DPF3: variants seen among roughly 807,000 people sequenced by gnomAD.
DPF3 encodes zinc finger protein DPF3.
In DPF3, 18 loss-of-function variants were observed where a neutral mutation model predicts 56.8. The observed-to-expected ratio is 0.32, with a 90% CI of 0.22 to 0.47. The LOEUF is 0.47. Among genes scored for constraint, DPF3 ranks in the 20% least tolerant of loss-of-function variants. DPF3 has a pLI of 1.00. For synonymous variants in DPF3, 188 were observed against 180.2 expected, an observed-to-expected ratio of 1.04 and a Z score of -0.35; for missense variants, 403 against 488.8, an observed-to-expected ratio of 0.82 and a Z score of 1.65.
At chr14:72,826,241 A>G (rs990914169) in intron 1 of DPF3, among the ~76,000 whole-genome samples, 1 of 152,238 alleles carries the variant, frequency 6.6e-6, no homozygotes, top group Non-Finnish European at 1.5e-5. Context: ...ACATGCATCA[A>G]AGCAGCTGAC....
At chr14:72,723,916 C>T in intron 4 of DPF3, 188 bp from the exon 5 acceptor site, 2 of 545,624 alleles carry the variant, frequency 3.7e-6, no homozygotes, top group South Asian at 2.5e-5. Flanking sequence ...TACCGAGGCT[C>T]TCCTAAGCCC....
At chr14:72,639,342 G>C (rs1339129968) in intron 8 of DPF3, among the ~76,000 whole-genome samples, 1 of 152,166 alleles carries the variant, frequency 6.6e-6, no homozygotes, top group East Asian at 1.9e-4. Flanking sequence ...CTCTGGCGTG[G>C]CTATCAATGA....
At position 72,662,732 on chromosome 14, in the gene DPF3, AGAG is replaced by A. The variant is rs531790961; in HGVS notation, c.871+11505_871+11507del. The A allele has an allele frequency of 4.8e-5, 48 of 992,370 alleles. No homozygotes were observed. The Admixed American group carries it at 5.8e-4, about 12-fold the overall frequency. The allele number at this position is 992,370 out of a possible 1,614,324, so 61.5% of individuals were successfully genotyped here. On this transcript the variant is annotated intron_variant, in intron 8 of 10. Coordinates refer to ENST00000556509, the MANE Select transcript of DPF3 (RefSeq NM_001280542.3). ...GGGGCTGGGCAAGGGAAGAGGAAGA[AGAG>A]GAGGAGGAGGAGGAGGTGCCAATCA...
chr14:72,703,291 G>A (rs941454698), intron 6 of DPF3, among the ~76,000 whole-genome samples: 3 of 152,108 alleles, frequency 2.0e-5, no homozygotes, highest in Non-Finnish European at 4.4e-5. Flanking sequence ...GGGTAGGGGT[G>A]GGGTAAAACA....
rs1200053854 is a variant in DPF3 at position 72,616,741 on chromosome 14, C to T, written c.*2556G>A. ...GCAACACAAAAACTCTGATCCTTCACATGCATCCTATGATTCTATCTCATT... is the reference window on the plus strand; with the variant it reads ...GCAACACAAAAACTCTGATCCTTCATATGCATCCTATGATTCTATCTCATT... On this transcript the variant is annotated 3_prime_UTR_variant, in exon 11 of 11. Transcript: ENST00000556509. Among the ~76,000 whole-genome samples, 1 of 152,236 alleles carries T rather than the reference C, an allele frequency of 6.6e-6. No individual in the cohort carries two copies. Among genetic ancestry groups the T allele is most frequent in the Non-Finnish European group, 1.5e-5 (1 of 68,040 alleles).
rs1326498186 is a variant in DPF3 at position 72,783,218 on chromosome 14, AT to A, written c.33-11326del. Among the ~76,000 whole-genome samples, 4 of 147,986 alleles carry A rather than the reference AT, an allele frequency of 2.7e-5. No individual in the cohort carries two copies. The East Asian group carries it at 8.1e-4, about 30-fold the overall frequency. ...ACCCTGCCCTACCCTTTGCTATCTC[AT>A]ATACTTTATTTTTTTCATAACACCA... On this transcript the variant is annotated intron_variant, in intron 1 of 10. Coordinates refer to ENST00000556509, the MANE Select transcript of DPF3 (RefSeq NM_001280542.3).
chr14:72,891,331 G>T (rs116978452), intron 1 of DPF3, among the ~76,000 whole-genome samples: 2,862 of 145,954 alleles, frequency 0.02, 43 homozygotes, highest in Non-Finnish European at 0.029. Flanking sequence ...TTTTTGGAGG[G>T]AAGAGAGAGA....
chr14:72,823,285 T>C (rs1467411937), intron 1 of DPF3, among the ~76,000 whole-genome samples: 4 of 152,046 alleles, frequency 2.6e-5, no homozygotes, highest in Non-Finnish European at 5.9e-5. Flanking sequence ...GGAATCTAGG[T>C]CTCCCTTCTT....
intron 1 of DPF3, among the ~76,000 whole-genome samples, chr14:72,816,016 G>A (rs193144087): frequency 6.6e-6 from 1 of 152,284 alleles, no homozygotes; most frequent in Admixed American, 6.5e-5. Context: ...TAAGGAAACT[G>A]AGATTCAGAG....
rs1355814338 is a variant in DPF3, at chr14:72,610,702, G to C, written c.*8595C>G. ...GAGACCGTGTTCTCAGCCTGAGAGCGCGCTCAAGGGCAGGTGGGAGATGGA... is the reference window on the plus strand; with the variant it reads ...GAGACCGTGTTCTCAGCCTGAGAGCCCGCTCAAGGGCAGGTGGGAGATGGA... On this transcript the variant is annotated 3_prime_UTR_variant, in exon 11 of 11. Coordinates refer to ENST00000556509, the MANE Select transcript of DPF3 (RefSeq NM_001280542.3). Among the ~76,000 whole-genome samples the C allele has an allele frequency of 6.6e-6, 1 of 152,194 alleles. No homozygotes were observed. The highest frequency in any genetic ancestry group is 1.5e-5 in the Non-Finnish European group (1 of 68,026).
At position 72,610,202 on chromosome 14, in the gene DPF3, T is replaced by C. The variant is rs577350866; in HGVS notation, c.*9095A>G. On this transcript the variant is annotated 3_prime_UTR_variant, in exon 11 of 11. Coordinates refer to ENST00000556509, the MANE Select transcript of DPF3 (RefSeq NM_001280542.3). ...GTATCTGCAGGTCTAGAGACATCAA[T>C]GGAGGCAGCAATTGGAGATCTCAGT... Among the ~76,000 whole-genome samples, 34 of 152,338 alleles carry C rather than the reference T, an allele frequency of 2.2e-4. No homozygotes were observed. In the South Asian group the frequency reaches 6.4e-3, roughly 29 times the overall value.
chr14:72,793,523 G>A (rs1185693745), intron 1 of DPF3, among the ~76,000 whole-genome samples: 1 of 152,206 alleles, frequency 6.6e-6, no homozygotes, highest in Non-Finnish European at 1.5e-5. Flanking sequence ...TCCCCCTGCA[G>A]CTTCATGCTA....
At chr14:72,682,866 A>C (rs1470564412) in intron 7 of DPF3, among the ~76,000 whole-genome samples, 1 of 152,136 alleles carries the variant, frequency 6.6e-6, no homozygotes, top group Non-Finnish European at 1.5e-5. Flanking sequence ...AAGAGCAAAA[A>C]CCAAGGCTGC....
chr14:72,864,788 G>A (rs1885597229), intron 1 of DPF3, among the ~76,000 whole-genome samples: 1 of 152,222 alleles, frequency 6.6e-6, no homozygotes. Flanking sequence ...GGGGAAAAGT[G>A]GCCTGATGGG....
chr14:72,714,099 G>A (rs370559955), intron 6 of DPF3, among the ~76,000 whole-genome samples: 2 of 152,218 alleles, frequency 1.3e-5, no homozygotes, highest in South Asian at 2.1e-4. Context: ...AGAAATAGAG[G>A]ATGAATCTTA....
chr14:72,832,461 G>A (rs942514291), intron 1 of DPF3, among the ~76,000 whole-genome samples: 2 of 152,078 alleles, frequency 1.3e-5, no homozygotes, highest in African/African-American at 2.4e-5. Flanking sequence ...ATAGCAGTCC[G>A]CAGCTACAGC....
intron 1 of DPF3, among the ~76,000 whole-genome samples, chr14:72,823,428 A>G (rs980317600): frequency 6.6e-6 from 1 of 152,232 alleles, no homozygotes; most frequent in African/African-American, 2.4e-5. Context: ...CCCATCCCAT[A>G]TCTCAGCTAT....
At chr14:72,681,803 AG>A (rs955670542) in intron 7 of DPF3, among the ~76,000 whole-genome samples, 2 of 152,228 alleles carry the variant, frequency 1.3e-5, no homozygotes, top group Non-Finnish European at 2.9e-5. Flanking sequence ...CCATGTCACC[AG>A]CTCTGGGGCT....
At chr14:72,684,731 G>C (rs1887331171) in intron 7 of DPF3, among the ~76,000 whole-genome samples, 1 of 152,124 alleles carries the variant, frequency 6.6e-6, no homozygotes, top group South Asian at 2.1e-4. Flanking sequence ...TTAGTAAAGA[G>C]CTTTGAAGAG....
Sources: gnomAD v4.1 joint callset for allele counts (sites outside exome capture counted in the v4.1 genomes callset) on GRCh38, gnomAD v4.1.1 for gene constraint, MANE v1.5 for transcripts, NCBI Gene and HGNC (gene_info 2026-07-23, HGNC 2026-07-21) for gene names.